IGF2BP3: variants seen among roughly 807,000 people sequenced by gnomAD.
IGF2BP3 encodes insulin like growth factor 2 mRNA binding protein 3.
A neutral mutation model predicts 73.8 loss-of-function variants in IGF2BP3; 9 were observed. That is an observed-to-expected ratio of 0.12 (90% CI 0.07 to 0.21). The LOEUF (loss-of-function observed/expected upper bound fraction) is 0.21. Ranked by LOEUF, IGF2BP3 falls within the 10% of genes least tolerant of loss-of-function variation. IGF2BP3 has a pLI of 1.00. For missense variants in IGF2BP3, 542 were observed against 714.0 expected, an observed-to-expected ratio of 0.76 and a Z score of 2.75; for synonymous variants, 258 against 256.7, an observed-to-expected ratio of 1.01 and a Z score of -0.05.
chr7:23,461,233 T>TC (rs1225186057), intron 2 of IGF2BP3, among the ~76,000 whole-genome samples: 1 of 152,124 alleles, frequency 6.6e-6, no homozygotes, highest in African/African-American at 2.4e-5. Flanking sequence ...TACTTTACTG[T>TC]CCTTCCTCAC....
chr7:23,388,678 C>G (rs1376201033), intron 3 of IGF2BP3, among the ~76,000 whole-genome samples: 1 of 150,850 alleles, frequency 6.6e-6, no homozygotes, highest in Non-Finnish European at 1.5e-5. Flanking sequence ...AGCCTCATTC[C>G]CAGAAGTTTC....
At chr7:23,460,770 T>C (rs971958136) in intron 2 of IGF2BP3, among the ~76,000 whole-genome samples, 1 of 152,014 alleles carries the variant, frequency 6.6e-6, no homozygotes, top group Non-Finnish European at 1.5e-5. Context: ...GCCAACATGG[T>C]GAAACCCTGC....
rs1362248018 is a variant in IGF2BP3, at chr7:23,310,505, A to G, written c.*1857T>C. On this transcript the variant is annotated 3_prime_UTR_variant, in exon 15 of 15. Coordinates refer to ENST00000258729, the MANE Select transcript of IGF2BP3 (RefSeq NM_006547.3). ...AATCAAATATTGGGGAAAAAAATCA[A>G]ATACTGAGAAAAGCTCTGGCCTTAA... 2.0e-5 allele frequency: 3 copies of G among 152,220 alleles called. No individual in the cohort carries two copies. The highest frequency in any genetic ancestry group is 7.2e-5 in the African/African-American group (3 of 41,458). 9.4% of individuals were successfully genotyped at this position (152,220 alleles called of 1,614,324 possible). A position where few individuals can be genotyped will look rare whatever the true frequency, so the allele number is the denominator to read the frequency against.
At chr7:23,423,635 T>C (rs891249225) in intron 2 of IGF2BP3, among the ~76,000 whole-genome samples, 6 of 152,094 alleles carry the variant, frequency 3.9e-5, no homozygotes, top group Non-Finnish European at 8.8e-5. Context: ...ATTCAATTGA[T>C]AGTTAAAATG....
At chr7:23,430,535 G>A (rs1450815134) in intron 2 of IGF2BP3, among the ~76,000 whole-genome samples, 1 of 152,174 alleles carries the variant, frequency 6.6e-6, no homozygotes, top group African/African-American at 2.4e-5. Context: ...CAGCTGTGCC[G>A]AACTAAACCT....
At chr7:23,332,647 G>A (rs1462880628) in intron 10 of IGF2BP3, among the ~76,000 whole-genome samples, 1 of 152,188 alleles carries the variant, frequency 6.6e-6, no homozygotes, top group Non-Finnish European at 1.5e-5. Context: ...TAAGTCAGAA[G>A]AACAGCATCT....
chr7:23,389,860 T>C (rs976097999), intron 3 of IGF2BP3, among the ~76,000 whole-genome samples: 1 of 142,982 alleles, frequency 7.0e-6, no homozygotes, highest in Non-Finnish European at 1.5e-5. Flanking sequence ...ATTAGCTGGG[T>C]GTGGTAGTAT....
chr7:23,413,754 G>C (rs1362243731), intron 3 of IGF2BP3: 1 of 152,126 alleles, frequency 6.6e-6, no homozygotes, highest in Non-Finnish European at 1.5e-5. Flanking sequence ...GTCACACTGA[G>C]TCTACTCTTC....
intron 2 of IGF2BP3, among the ~76,000 whole-genome samples, chr7:23,420,946 G>A (rs1274756032): frequency 6.6e-6 from 1 of 152,164 alleles, no homozygotes; most frequent in East Asian, 1.9e-4. Context: ...TAACTCATGT[G>A]GTAATAACTG....
intron 10 of IGF2BP3, among the ~76,000 whole-genome samples, chr7:23,324,388 G>T (rs557252349): frequency 6.6e-6 from 1 of 151,654 alleles, no homozygotes; most frequent in Non-Finnish European, 1.5e-5. Context: ...TTGAATCTCT[G>T]AATAGACCAA....
Position 23,436,991 on chromosome 7 carries a change from C to T in IGF2BP3, c.237-18167G>A, listed in dbSNP as rs557341560. 1.5e-3 allele frequency among the ~76,000 whole-genome samples: 221 copies of T among 151,988 alleles called. 1 individual carries two copies. Among genetic ancestry groups the T allele is most frequent in the Non-Finnish European group, 1.4e-3 (92 of 67,988 alleles). On this transcript the variant is annotated intron_variant, in intron 2 of 14. Coordinates refer to ENST00000258729, the MANE Select transcript of IGF2BP3 (RefSeq NM_006547.3). ...ATTAGCCAGGCATGGTGGTGGTGTGCGCCTGTAGTCCCAGCTATTTAGGAA... is the reference window on the plus strand; with the variant it reads ...ATTAGCCAGGCATGGTGGTGGTGTGTGCCTGTAGTCCCAGCTATTTAGGAA...
At chr7:23,435,302 A>T (rs1238850690) in intron 2 of IGF2BP3, among the ~76,000 whole-genome samples, 1 of 142,018 alleles carries the variant, frequency 7.0e-6, no homozygotes, top group African/African-American at 3.0e-5. Flanking sequence ...CAAAAAAAAA[A>T]AAAAAAAAAA....
intron 3 of IGF2BP3, among the ~76,000 whole-genome samples, chr7:23,389,637 T>C (rs921373035): frequency 2.0e-5 from 3 of 151,362 alleles, no homozygotes; most frequent in Non-Finnish European, 2.9e-5. Context: ...GCCCAAAAAG[T>C]GTGAAGAATA....
Position 23,430,084 on chromosome 7 carries a change from C to A in IGF2BP3, c.237-11260G>T, listed in dbSNP as rs537339934. ...TAACTTGTAACATGTTCTTCTTTGC[C>A]TCTTTTTTTTTTTTTTTTTGAGATG... is the stretch of plus-strand genomic sequence containing the variant. On this transcript the variant is annotated intron_variant, in intron 2 of 14. Coordinates refer to ENST00000258729, the MANE Select transcript of IGF2BP3 (RefSeq NM_006547.3). 2.0e-5 allele frequency among the ~76,000 whole-genome samples: 3 copies of A among 148,902 alleles called. No individual in the cohort carries two copies. In the South Asian group the frequency reaches 6.3e-4, roughly 31 times the overall value.
At chr7:23,382,287 C>T (rs1358749483) in intron 3 of IGF2BP3, among the ~76,000 whole-genome samples, 2 of 152,024 alleles carry the variant, frequency 1.3e-5, no homozygotes, top group African/African-American at 2.4e-5. Flanking sequence ...GGGCACTACA[C>T]AGGTTATTAT....
intron 10 of IGF2BP3, among the ~76,000 whole-genome samples, chr7:23,321,401 G>A (rs541030052): frequency 4.6e-5 from 7 of 152,198 alleles, no homozygotes; most frequent in Non-Finnish European, 8.8e-5. Flanking sequence ...ATTATATCCC[G>A]CACCTGGCTC....
At chr7:23,390,342 ATTTAAGTCATTC>A (rs1050370096) in intron 3 of IGF2BP3, among the ~76,000 whole-genome samples, 3 of 152,160 alleles carry the variant, frequency 2.0e-5, no homozygotes, top group Non-Finnish European at 4.4e-5. Flanking sequence ...GAAGAAGTAT[ATTTAAGTCATTC>A]TTTAACTGAG....
At position 23,389,099 on chromosome 7, in the gene IGF2BP3, GA is replaced by G. The variant is rs139922832; in HGVS notation, c.286-27359del. Among the ~76,000 whole-genome samples, 401 of 151,292 alleles carry G rather than the reference GA, an allele frequency of 2.7e-3. 2 individuals carry two copies. Among genetic ancestry groups the G allele is most frequent in the African/African-American group, 9.0e-3 (369 of 41,168 alleles). Reference sequence around the variant, plus strand: ...CTTCAATAAAGCTGTTTTTTAAAAAGACCTACTAATTCAACGATTTAAGTTG... The same window carrying G: ...CTTCAATAAAGCTGTTTTTTAAAAAGCCTACTAATTCAACGATTTAAGTTG... On this transcript the variant is annotated intron_variant, in intron 3 of 14. Coordinates refer to ENST00000258729, the MANE Select transcript of IGF2BP3 (RefSeq NM_006547.3).
At position 23,347,580 on chromosome 7, in the gene IGF2BP3, G is replaced by A. The variant is rs180876177; in HGVS notation, c.818+20C>T. 3.0e-5 allele frequency: 48 copies of A among 1,608,592 alleles called. No homozygotes were observed. In the East Asian group the frequency reaches 1.0e-3, roughly 35 times the overall value. On this transcript the variant is annotated intron_variant, in intron 7 of 14. Transcript: ENST00000258729. ...AGCACAAATATCAACCTCTTTCACA[G>A]GACAATCTTCTTTACTCACAATTTT...
Sources: gnomAD v4.1 joint callset for allele counts (sites outside exome capture counted in the v4.1 genomes callset) on GRCh38, gnomAD v4.1.1 for gene constraint, MANE v1.5 for transcripts, NCBI Gene and HGNC (gene_info 2026-07-23, HGNC 2026-07-21) for gene names.